Variants in ADAMTS17 observed in about 807,000 individuals in gnomAD.
ADAMTS17 encodes ADAM metallopeptidase with thrombospondin type 1 motif 17.
Under a neutral mutation model 141.5 loss-of-function variants are expected in ADAMTS17, and 113 were observed. The observed-to-expected ratio is 0.80, with a 90% CI of 0.69 to 0.93. ADAMTS17 has a LOEUF of 0.93. ADAMTS17 is among the 40% of genes least tolerant of loss of function. The pLI, the probability that ADAMTS17 is intolerant of heterozygous loss-of-function variation, is 0.00. For missense variants in ADAMTS17, 1,659 were observed against 1,517.9 expected, an observed-to-expected ratio of 1.09 and a Z score of -1.54; for synonymous variants, 768 against 630.6, an observed-to-expected ratio of 1.22 and a Z score of -3.27.
chr15:100,004,372 C>G (rs372588449), intron 18 of ADAMTS17, among the ~76,000 whole-genome samples: 165 of 152,316 alleles, frequency 1.1e-3, no homozygotes, highest in African/African-American at 3.5e-3. Context: ...CCCAACCCCC[C>G]CTGGCTCCAG....
chr15:100,236,893 C>T (rs949659982), intron 7 of ADAMTS17, among the ~76,000 whole-genome samples: 3 of 152,088 alleles, frequency 2.0e-5, no homozygotes, highest in African/African-American at 7.2e-5. Flanking sequence ...CTCCTCTGCC[C>T]CCAAAACAGA....
intron 14 of ADAMTS17, among the ~76,000 whole-genome samples, chr15:100,096,732 T>C (rs2035785849): frequency 6.6e-6 from 1 of 152,088 alleles, no homozygotes; most frequent in African/African-American, 2.4e-5. Context: ...GGGAGATCCA[T>C]GAAGGCACAA....
chr15:100,015,088 G>A (rs943256580), intron 18 of ADAMTS17, among the ~76,000 whole-genome samples: 1 of 152,112 alleles, frequency 6.6e-6, no homozygotes, highest in African/African-American at 2.4e-5. Context: ...TTTTCCTGTT[G>A]GACAAGACCT....
chr15:100,099,769 AC>A (rs972368258), intron 14 of ADAMTS17, among the ~76,000 whole-genome samples: 52 of 99,926 alleles, frequency 5.2e-4, no homozygotes, highest in African/African-American at 1.9e-3. Context: ...ATGGGATGGA[AC>A]GGGGGGAAAA....
chr15:100,238,304 G>T (rs947948724), intron 7 of ADAMTS17, among the ~76,000 whole-genome samples: 1 of 151,896 alleles, frequency 6.6e-6, no homozygotes, highest in Non-Finnish European at 1.5e-5. Context: ...TCCCTTTATC[G>T]CCAGCCTCCA....
At chr15:100,195,066 C>T (rs564475800) in intron 8 of ADAMTS17, among the ~76,000 whole-genome samples, 1 of 152,376 alleles carries the variant, frequency 6.6e-6, no homozygotes, top group South Asian at 2.1e-4. Context: ...CTAGCTGAAC[C>T]CAAAGGTAGC....
chr15:100,134,222 G>A (rs116797644), intron 10 of ADAMTS17, among the ~76,000 whole-genome samples: 1 of 152,148 alleles, frequency 6.6e-6, no homozygotes, highest in African/African-American at 2.4e-5. Context: ...AGGGTCCTGG[G>A]GGGGATGGCC....
rs866950737 is a variant in ADAMTS17, at chr15:99,997,390, A to G, written c.2791T>C (p.Ser931Pro). Reference protein sequence around the residue: ...CLSIWEASEWSQCSASCGKGV... With the variant: ...CLSIWEASEWPQCSASCGKGV... ...TGGCAAGCCCAGGCACCCACCTGTGACCACTCAGACGCCTCCCAGATGGAC... is the reference window on the plus strand; with the variant it reads ...TGGCAAGCCCAGGCACCCACCTGTGGCCACTCAGACGCCTCCCAGATGGAC... The change falls in exon 19 of 22, where the codon TCA (serine) becomes CCA (proline). Residue 931 changes from serine to proline, a missense_variant. Physicochemically the swap from Ser to Pro is moderately conservative, Grantham distance 74. Coordinates refer to ENST00000268070, the MANE Select transcript of ADAMTS17 (RefSeq NM_139057.4). The surrounding 1 kb of genome is among the most constrained non-coding windows in gnomAD (Gnocchi z 4.7). The G allele has an allele frequency of 6.2e-7, 1 of 1,613,754 alleles. No homozygotes were observed. The highest frequency in any genetic ancestry group is 8.5e-7 in the Non-Finnish European group (1 of 1,180,004).
chr15:100,005,246 T>C (rs1013455042), intron 18 of ADAMTS17, among the ~76,000 whole-genome samples: 3 of 152,224 alleles, frequency 2.0e-5, no homozygotes, highest in Non-Finnish European at 2.9e-5. Context: ...CCTGTATTCT[T>C]AGTGCTACTG....
At chr15:100,057,858 C>T (rs1287249972) in intron 15 of ADAMTS17, among the ~76,000 whole-genome samples, 1 of 152,096 alleles carries the variant, frequency 6.6e-6, no homozygotes, top group Admixed American at 6.5e-5. Context: ...ACCGTTTCTC[C>T]TGTGACATCA....
chr15:100,079,363 T>A (rs2034584905), intron 15 of ADAMTS17, among the ~76,000 whole-genome samples: 1 of 152,230 alleles, frequency 6.6e-6, no homozygotes, highest in Non-Finnish European at 1.5e-5. Flanking sequence ...GAATAGTATT[T>A]GGCAATAAAA....
chr15:100,198,184 A>G (rs1014509481), intron 8 of ADAMTS17, among the ~76,000 whole-genome samples: 12 of 152,340 alleles, frequency 7.9e-5, no homozygotes, highest in East Asian at 1.9e-4. Context: ...AAAAACAAAA[A>G]ACAGCAAAAA....
intron 4 of ADAMTS17, among the ~76,000 whole-genome samples, chr15:100,271,549 T>A (rs1241274834): frequency 6.6e-6 from 1 of 151,678 alleles, no homozygotes; most frequent in Non-Finnish European, 1.5e-5. Context: ...CGTAAAAATG[T>A]CTACCTAAGT....
chr15:100,326,796 A>C (rs2045914498), intron 3 of ADAMTS17, among the ~76,000 whole-genome samples: 1 of 152,164 alleles, frequency 6.6e-6, no homozygotes, highest in Non-Finnish European at 1.5e-5. Flanking sequence ...TGACCCCCTC[A>C]TCCTAATTAA....
intron 4 of ADAMTS17, among the ~76,000 whole-genome samples, chr15:100,278,903 C>T (rs989382931): frequency 1.2e-4 from 18 of 152,282 alleles, no homozygotes; most frequent in African/African-American, 4.3e-4. Flanking sequence ...AGCCTCCCTG[C>T]TCTCGGGCCT....
At chr15:100,092,368 C>G (rs569303349) in intron 15 of ADAMTS17, among the ~76,000 whole-genome samples, 1 of 152,314 alleles carries the variant, frequency 6.6e-6, no homozygotes, top group African/African-American at 2.4e-5. Context: ...GACGCGTGAG[C>G]CAGGCAAGAG....
In ADAMTS17 at chr15:100,162,423, TATATAGTTATATATACAC is replaced by T. The variant is rs1441549575; in HGVS notation, c.1182-7121_1182-7104del. On this transcript the variant is annotated intron_variant, in intron 8 of 21. Transcript: ENST00000268070. ...ATGTGTATATATGTGTATATATAAC[TATATAGTTATATATACAC>T]ATATAGTTATATATATGCACATATA... 7.4e-4 allele frequency among the ~76,000 whole-genome samples: 107 copies of T among 145,370 alleles called. 1 individual carries two copies. The highest frequency in any genetic ancestry group is 2.0e-3 in the African/African-American group (80 of 39,704).
intron 7 of ADAMTS17, among the ~76,000 whole-genome samples, chr15:100,225,857 G>A (rs2042291024): frequency 6.9e-6 from 1 of 145,020 alleles, no homozygotes; most frequent in Non-Finnish European, 1.5e-5. Flanking sequence ...CCTTACAGCA[G>A]TCACGGCCTC....
At chr15:100,217,041 G>A (rs2041990246) in intron 7 of ADAMTS17, among the ~76,000 whole-genome samples, 1 of 152,132 alleles carries the variant, frequency 6.6e-6, no homozygotes. Context: ...AGGAAGAGTT[G>A]ATATTAAATT....
Sources: allele counts gnomAD v4.1 joint callset (sites outside exome capture counted in the v4.1 genomes callset), GRCh38; gene constraint gnomAD v4.1.1; non-coding constraint Gnocchi (gnomAD v3.1); transcripts MANE v1.5; gene names NCBI Gene and HGNC (gene_info 2026-07-23, HGNC 2026-07-21).